Variants in LRRC7 observed in about 807,000 individuals in gnomAD.
LRRC7 encodes the protein leucine rich repeat containing 7.
In LRRC7, 23 loss-of-function variants were observed where a neutral mutation model predicts 175.7. The observed-to-expected ratio is 0.13, with a 90% CI of 0.09 to 0.19. The LOEUF (loss-of-function observed/expected upper bound fraction) is 0.19, where lower values mean the gene tolerates loss of function less well. LRRC7 is among the 10% of genes least tolerant of loss of function. The pLI is 1.00. For synonymous variants in LRRC7, 685 were observed against 680.9 expected (o/e 1.01, Z -0.09); for missense variants, 1,354 against 1,904.7 (o/e 0.71, Z 5.38).
At chr1:69,644,505 A>T (rs993008627) in intron 1 of LRRC7, among the ~76,000 whole-genome samples, 1 of 152,004 alleles carries the variant, frequency 6.6e-6, no homozygotes, top group Non-Finnish European at 1.5e-5. Flanking sequence ...TGCATGATAG[A>T]TTATTTTCCA....
Position 70,010,960 on chromosome 1 carries a change from A to G in LRRC7, c.1005-837A>G, listed in dbSNP as rs909271988. On this transcript the variant is annotated intron_variant, in intron 11 of 26. Transcript: ENST00000651989. The stretch of plus-strand genomic sequence containing the variant: ...TTATGCCCATTTGAAGGCAGCAGCT[A>G]TTAATCCATTTCCATTACTTGTCAT... Among the ~76,000 whole-genome samples the G allele has an allele frequency of 3.9e-5, 6 of 152,234 alleles. No homozygotes were observed. In the South Asian group the frequency reaches 8.3e-4, roughly 21 times the overall value.
chr1:70,016,520 C>A lies in LRRC7; in HGVS notation c.1306C>A (p.Leu436Ile). 1 of 1,578,310 alleles carries A rather than the reference C, an allele frequency of 6.3e-7. No homozygotes were observed. Among genetic ancestry groups the A allele is most frequent in the Non-Finnish European group, 8.6e-7 (1 of 1,164,102 alleles). ...ACTTAAAGAGCTTGCAGCTTTGTGG[C>A]TTTCTGACAATCAGGTAAAAGGTTT... ...TKLKELAALW[L>I]SDNQSKALIP... Residue 436 changes from leucine (L) to isoleucine (I), a missense_variant, in exon 14 of 27, where the codon CTT (leucine) becomes ATT (isoleucine). Coordinates refer to ENST00000651989, the MANE Select transcript of LRRC7 (RefSeq NM_001370785.2).
chr1:69,886,037 G>T (rs61782588), intron 7 of LRRC7, among the ~76,000 whole-genome samples: 1 of 149,168 alleles, frequency 6.7e-6, no homozygotes, highest in Admixed American at 6.7e-5. Flanking sequence ...TTACTTCCAA[G>T]TATGTGGTCA....
At chr1:69,792,014 A>G (rs1333329343) in intron 3 of LRRC7, 29 bp from the exon 4 acceptor site, 1 of 1,355,344 alleles carries the variant, frequency 7.4e-7, no homozygotes, top group South Asian at 1.2e-5. Flanking sequence ...CCAAATTGAG[A>G]TCTAATTAAT....
chr1:70,020,937 A>C, intron 15 of LRRC7, 68 bp from the exon 16 acceptor site: 2 of 1,318,398 alleles, frequency 1.5e-6, no homozygotes, highest in Non-Finnish European at 2.0e-6. Flanking sequence ...ATTTTTGCAT[A>C]CTATATTAAA....
chr1:70,106,304 C>T (rs1174610364), intron 25 of LRRC7, among the ~76,000 whole-genome samples: 1 of 152,126 alleles, frequency 6.6e-6, no homozygotes, highest in Non-Finnish European at 1.5e-5. Flanking sequence ...AACAGTTACT[C>T]CCCAGCTACT....
At chr1:69,724,981 C>G (rs1666782172) in intron 2 of LRRC7, among the ~76,000 whole-genome samples, 1 of 151,956 alleles carries the variant, frequency 6.6e-6, no homozygotes. Context: ...GGGCACCAAT[C>G]CTCCCAAGCA....
intron 3 of LRRC7, among the ~76,000 whole-genome samples, chr1:69,781,650 C>G (rs1252495738): frequency 7.0e-6 from 1 of 143,866 alleles, no homozygotes; most frequent in Non-Finnish European, 1.5e-5. Context: ...CCACTGCACT[C>G]CAGCCTGGGA....
rs55743529 is a variant in LRRC7 at position 70,103,234 on chromosome 1, GA to G, written c.4546-4505del. On this transcript the variant is annotated intron_variant, in intron 25 of 26. Coordinates refer to ENST00000651989, the MANE Select transcript of LRRC7 (RefSeq NM_001370785.2). The stretch of plus-strand genomic sequence containing the variant: ...ACAGAATGAAACCCTGTCTCAAAAA[GA>G]AAAAAAAAAAAACCTAATTATTCAG... Among the ~76,000 whole-genome samples, 238 of 129,290 alleles carry G rather than the reference GA, an allele frequency of 1.8e-3. 4 individuals are homozygous for G. The highest frequency in any genetic ancestry group is 0.018 in the South Asian group (75 of 4,150). The allele number at this position is 129,290 out of a possible 152,430, so 84.8% of individuals were successfully genotyped here.
chr1:70,117,230 T>C (rs555622216), intron 26 of LRRC7, among the ~76,000 whole-genome samples: 25 of 152,330 alleles, frequency 1.6e-4, no homozygotes, highest in Non-Finnish European at 3.2e-4. Flanking sequence ...TGGCCAGGCC[T>C]TCTCTGAGCT....
rs554153989 is a variant in LRRC7, at chr1:70,084,641, T to C, written c.4453-5086T>C. 2.6e-5 allele frequency among the ~76,000 whole-genome samples: 4 copies of C among 152,298 alleles called. No individual in the cohort carries two copies. The East Asian group carries it at 7.7e-4, about 29-fold the overall frequency. Reference sequence around the variant, plus strand: ...TAATGTACAAATTTGTGTGGAGATATATGTTTTCATTTTTCTTGGGTAGAT... The same window carrying C: ...TAATGTACAAATTTGTGTGGAGATACATGTTTTCATTTTTCTTGGGTAGAT... On this transcript the variant is annotated intron_variant, in intron 24 of 26. Transcript: ENST00000651989.
rs146488898 is a variant in LRRC7, at chr1:69,870,161, A to G, written c.647+31878A>G. Among the ~76,000 whole-genome samples, 315 of 152,238 alleles carry G rather than the reference A, an allele frequency of 2.1e-3. 1 individual carries two copies. Among genetic ancestry groups the G allele is most frequent in the Middle Eastern group, 0.017 (5 of 294 alleles). On this transcript the variant is annotated intron_variant, in intron 7 of 26. Transcript: ENST00000651989. ...GGAAGTAAGATAGACTGCCCTTTTC[A>G]GCAGGGGAGAAGGTTTAGTACATTG...
intron 1 of LRRC7, among the ~76,000 whole-genome samples, chr1:69,655,980 T>C (rs527261221): frequency 4.3e-4 from 65 of 152,094 alleles, no homozygotes; most frequent in Non-Finnish European, 8.1e-4. Context: ...CATATTTACA[T>C]TGTTTTCCAG....
rs925214853 is a variant in LRRC7, at chr1:70,121,993, T to G, written c.*106T>G. The G allele has an allele frequency of 1.1e-5, 8 of 708,540 alleles. No individual in the cohort carries two copies. Among genetic ancestry groups the G allele is most frequent in the Middle Eastern group, 3.8e-4 (1 of 2,648 alleles). The allele number at this position is 708,540 out of a possible 1,614,324, so 43.9% of individuals were successfully genotyped here. On this transcript the variant is annotated 3_prime_UTR_variant, in exon 27 of 27. Transcript: ENST00000651989. The stretch of plus-strand genomic sequence containing the variant: ...CAATTGCTGGACCAATGGCAAACAT[T>G]AGTGCCAAATGTATAATACTATATG...
At chr1:69,875,593 T>C (rs1685968803) in intron 7 of LRRC7, among the ~76,000 whole-genome samples, 1 of 152,056 alleles carries the variant, frequency 6.6e-6, no homozygotes, top group Non-Finnish European at 1.5e-5. Context: ...GTAAATTCAT[T>C]CATAATATTT....
chr1:69,693,600 G>C (rs565646351), intron 2 of LRRC7, among the ~76,000 whole-genome samples: 2 of 129,328 alleles, frequency 1.5e-5, no homozygotes, highest in Non-Finnish European at 3.2e-5. Flanking sequence ...ACATTATGCA[G>C]GGCAATCTAT....
At chr1:70,111,864 A>G (rs1665549339) in intron 26 of LRRC7, among the ~76,000 whole-genome samples, 1 of 152,202 alleles carries the variant, frequency 6.6e-6, no homozygotes, top group Non-Finnish European at 1.5e-5. Flanking sequence ...AAGAGAAATT[A>G]TATAATTTAT....
At chr1:69,905,813 G>A in intron 7 of LRRC7, among the ~76,000 whole-genome samples, 1 of 152,260 alleles carries the variant, frequency 6.6e-6, no homozygotes, top group Non-Finnish European at 1.5e-5. Context: ...TCTAATTCTA[G>A]ATCCCTGAGG....
chr1:70,014,960 GA>G (rs970026386), intron 13 of LRRC7, among the ~76,000 whole-genome samples: 10 of 151,932 alleles, frequency 6.6e-5, no homozygotes, highest in Non-Finnish European at 1.5e-4. Flanking sequence ...CATGATTCTG[GA>G]TAGTTTTGCA....
Sources: allele counts gnomAD v4.1 joint callset (sites outside exome capture counted in the v4.1 genomes callset), GRCh38; gene constraint gnomAD v4.1.1; transcripts MANE v1.5; gene names NCBI Gene and HGNC (gene_info 2026-07-23, HGNC 2026-07-21).